MSH6: variants seen among roughly 807,000 people sequenced by gnomAD.
MSH6 encodes the protein DNA mismatch repair protein Msh6.
In MSH6, 85 loss-of-function variants were observed where a neutral mutation model predicts 119.1. That is an observed-to-expected ratio of 0.71 (90% CI 0.60 to 0.85). The LOEUF (loss-of-function observed/expected upper bound fraction) is 0.85, where lower values mean the gene tolerates loss of function less well. Among genes scored for constraint, MSH6 ranks in the 40% least tolerant of loss-of-function variants. The probability of loss-of-function intolerance (pLI) is 0.00; values close to 1 mark genes in which losing one functional copy is unlikely to be tolerated. For missense variants in MSH6, 2,163 were observed against 1,655.3 expected, an observed-to-expected ratio of 1.31 and a Z score of -5.32; for synonymous variants, 830 against 586.9, an observed-to-expected ratio of 1.41 and a Z score of -5.99.
At position 47,793,551 on chromosome 2, in the gene MSH6, G is replaced by C. The variant is rs3136296; in HGVS notation, c.458-2343G>C. On this transcript the variant is annotated intron_variant, in intron 2 of 9. Coordinates refer to ENST00000234420, the MANE Select transcript of MSH6 (RefSeq NM_000179.3). ...AAACCTGGTAGGCGGAGGTTGCAGT[G>C]AGCCGAGATCGCGCCACTGCACTCC... Among the ~76,000 whole-genome samples the C allele has an allele frequency of 2.3e-3, 353 of 151,310 alleles. 2 individuals carry two copies. The highest frequency in any genetic ancestry group is 7.2e-3 in the African/African-American group (299 of 41,368).
At position 47,805,657 on chromosome 2, in the gene MSH6, G is replaced by A. The variant is rs773185557; in HGVS notation, c.3596G>A (p.Ser1199Asn). ...TFFVELSETA[S>N]ILMHATAHSL... ...TTTGTTGAATTAAGTGAAACTGCCA[G>A]CATACTCATGCATGCAACAGCACAT... The change falls in exon 7 of 10, where the codon AGC becomes AAC. Residue 1199 changes from serine to asparagine, a missense_variant. Physicochemically the swap from Ser to Asn is conservative, Grantham distance 46 (BLOSUM62 1). Transcript: ENST00000234420. 10 of 1,613,330 alleles carry A rather than the reference G, an allele frequency of 6.2e-6. No individual in the cohort carries two copies. Among genetic ancestry groups the A allele is most frequent in the Non-Finnish European group, 8.5e-6 (10 of 1,179,562 alleles).
intron 2 of MSH6, among the ~76,000 whole-genome samples, chr2:47,791,419 A>G (rs1668724111): frequency 6.6e-6 from 1 of 152,148 alleles, no homozygotes; most frequent in African/African-American, 2.4e-5. Flanking sequence ...AGGGTCCAAG[A>G]GAAAGTTAAT....
chr2:47,789,132 G>T (rs1008631315), intron 1 of MSH6, among the ~76,000 whole-genome samples: 1 of 150,526 alleles, frequency 6.6e-6, no homozygotes, highest in Non-Finnish European at 1.5e-5. Flanking sequence ...CACCATCTTG[G>T]CCAGGCTGGT....
intron 4 of MSH6, chr2:47,801,448 G>A: frequency 3.1e-6 from 1 of 322,390 alleles, no homozygotes; most frequent in Non-Finnish European, 5.6e-6. Context: ...GGCTACTGCA[G>A]CCTCGACCTC....
chr2:47,803,722 T>C (rs1572736329), intron 5 of MSH6, 37 bp downstream of exon 5: 1 of 1,612,574 alleles, frequency 6.2e-7, no homozygotes, highest in South Asian at 1.1e-5. Context: ...CAGAAAGTCA[T>C]TTGTGACATT....
At chr2:47,805,780 A>C in intron 7 of MSH6, 73 bp downstream of exon 7, 1 of 1,162,616 alleles carries the variant, frequency 8.6e-7, no homozygotes, top group South Asian at 1.2e-5. Context: ...TTTTTATAGA[A>C]GATTATCTGA....
Position 47,800,509 on chromosome 2 carries a change from T to G in MSH6, c.2526T>G (p.Ala842=), listed in dbSNP as rs772394197. Residue 842 remains alanine (A), a synonymous_variant, in exon 4 of 10, where the codon GCT becomes GCG. Transcript: ENST00000234420. The part of the protein sequence containing the change: ...LKSQNHPDSR[A]IMYEETTYSK... Reference sequence around the variant, plus strand: ...GTCAGAACCACCCAGACAGCAGGGCTATAATGTATGAAGAAACTACATACA... The same window carrying G: ...GTCAGAACCACCCAGACAGCAGGGCGATAATGTATGAAGAAACTACATACA... 8.1e-6 allele frequency: 13 copies of G among 1,613,006 alleles called. No homozygotes were observed. In the East Asian group the frequency reaches 2.7e-4, roughly 33 times the overall value.
Position 47,806,005 on chromosome 2 carries a change from T to C in MSH6, c.3647-199T>C, listed in dbSNP as rs548375933. Among the ~76,000 whole-genome samples, 21 of 152,318 alleles carry C rather than the reference T, an allele frequency of 1.4e-4. No homozygotes were observed. In the South Asian group the frequency reaches 4.3e-3, roughly 32 times the overall value. ...GGAAGTTTATGACCTTGAGCGATACTGTATTTTCTTTAAAAGAAACCTCAC... is the reference window on the plus strand; with the variant it reads ...GGAAGTTTATGACCTTGAGCGATACCGTATTTTCTTTAAAAGAAACCTCAC... On this transcript the variant is annotated intron_variant, in intron 7 of 9. Coordinates refer to ENST00000234420, the MANE Select transcript of MSH6 (RefSeq NM_000179.3).
At chr2:47,801,365 T>TG (rs1669581446) in intron 4 of MSH6, 4 of 446,402 alleles carry the variant, frequency 9.0e-6, no homozygotes, top group Non-Finnish European at 1.5e-5. Context: ...TCTTCAGTTT[T>TG]TTTTTTTTTT....
intron 1 of MSH6, among the ~76,000 whole-genome samples, chr2:47,788,931 T>TTTTGTTTTGTTTTG (rs1668551065): frequency 1.1e-5 from 1 of 93,550 alleles, no homozygotes; most frequent in African/African-American, 5.5e-5. Context: ...TGTTTTTTTT[T>TTTTGTTTTGTTTTG]TTTTTTTTTT....
At chr2:47,804,027 T>C (rs1669795239) in intron 5 of MSH6, among the ~76,000 whole-genome samples, 1 of 152,232 alleles carries the variant, frequency 6.6e-6, no homozygotes. Context: ...AGGTTTATCC[T>C]TAAATTAGAC....
chr2:47,801,295 C>A, intron 4 of MSH6, 140 bp downstream of exon 4: 3 of 780,010 alleles, frequency 3.8e-6, no homozygotes, highest in Non-Finnish European at 6.1e-6. Context: ...CCTGACTAGG[C>A]TGCCCACAGC....
chr2:47,793,343 A>G (rs1481595857), intron 2 of MSH6, among the ~76,000 whole-genome samples: 2 of 147,920 alleles, frequency 1.4e-5, no homozygotes, highest in Admixed American at 1.3e-4. Context: ...AAAAAAAAAA[A>G]AAAAGGCTGG....
At chr2:47,783,968 T>TG in intron 1 of MSH6, 3 of 1,031,342 alleles carry the variant, frequency 2.9e-6, no homozygotes, top group Non-Finnish European at 3.5e-6. Flanking sequence ...TCCGGTGGTG[T>TG]GGGGTGCGAA....
rs149605979 is a variant in MSH6 at position 47,801,145 on chromosome 2, C to T, written c.3162C>T (p.Ile1054=). 4.9e-5 allele frequency: 79 copies of T among 1,610,432 alleles called. No individual in the cohort carries two copies. The African/African-American group carries it at 7.5e-4, about 15-fold the overall frequency. Residue 1054 remains isoleucine (I), a synonymous_variant, in exon 4 of 10, where the codon ATC becomes ATT. Coordinates refer to ENST00000234420, the MANE Select transcript of MSH6 (RefSeq NM_000179.3). Reference sequence around the variant, plus strand: ...ACTGGCAGTCTGCTGTAGAGTGTATCGCAGTGTTGGGTAAGACTTTGAACA... The same window carrying T: ...ACTGGCAGTCTGCTGTAGAGTGTATTGCAGTGTTGGGTAAGACTTTGAACA... ...YKDWQSAVEC[I]AVLDVLLCLA... is the part of the protein sequence containing the mutation.
chr2:47,790,992 T>A lies in MSH6; in HGVS notation c.326T>A (p.Leu109Gln). The A allele has an allele frequency of 6.2e-7, 1 of 1,614,228 alleles. No homozygotes were observed. The highest frequency in any genetic ancestry group is 8.5e-7 in the Non-Finnish European group (1 of 1,180,040). The change falls in exon 2 of 10, where the codon CTG becomes CAG. Residue 109 changes from leucine to glutamine, a missense_variant. Physicochemically the swap from Leu to Gln is moderately radical, Grantham distance 113 (BLOSUM62 -2). Coordinates refer to ENST00000234420, the MANE Select transcript of MSH6 (RefSeq NM_000179.3). ...GAGGGTTACCCCTGGTGGCCTTGTC[T>A]GGTTTACAACCACCCCTTTGATGGA... ...KMEGYPWWPC[L>Q]VYNHPFDGTF... is the part of the protein sequence containing the mutation.
At chr2:47,785,033 A>C (rs970585626) in intron 1 of MSH6, 11 of 151,362 alleles carry the variant, frequency 7.3e-5, no homozygotes, top group African/African-American at 1.2e-4. Context: ...TATGTTGGCC[A>C]GGCTGGTATC....
downstream of MSH6, chr2:47,808,547 G>T: frequency 4.0e-6 from 3 of 743,608 alleles, no homozygotes; most frequent in South Asian, 2.4e-5. Flanking sequence ...ATTCTTTGTG[G>T]CTCCAGCCCA....
intron 4 of MSH6, among the ~76,000 whole-genome samples, chr2:47,801,838 G>A (rs1376519355): frequency 6.6e-6 from 1 of 151,936 alleles, no homozygotes; most frequent in African/African-American, 2.4e-5. Context: ...GAAGGGAGTT[G>A]AAGCTTCCCT....
Sources: allele counts gnomAD v4.1 joint callset (sites outside exome capture counted in the v4.1 genomes callset), GRCh38; gene constraint gnomAD v4.1.1; transcripts MANE v1.5; gene names NCBI Gene and HGNC (gene_info 2026-07-23, HGNC 2026-07-21).